The following FRY variants were observed in gnomAD, a reference collection of about 807,000 sequenced individuals.
The protein encoded by FRY is protein furry homolog.
Under a neutral mutation model 348.4 loss-of-function variants are expected in FRY, and 128 were observed. The observed-to-expected ratio is 0.37, with a 90% CI of 0.32 to 0.43. The LOEUF is 0.43. Ranked by LOEUF, FRY falls within the 20% of genes least tolerant of loss-of-function variation. The pLI, the probability that FRY is intolerant of heterozygous loss-of-function variation, is 1.00. For missense variants in FRY, 2,736 were observed against 3,695.2 expected (o/e 0.74, Z 6.73); for synonymous variants, 1,370 against 1,374.7 (o/e 1.00, Z 0.08).
intron 39 of FRY, among the ~76,000 whole-genome samples, chr13:32,226,432 C>T (rs1885586470): frequency 6.6e-6 from 1 of 152,166 alleles, no homozygotes; most frequent in African/African-American, 2.4e-5. Context: ...TCCTTGAAGA[C>T]ACCATTAGTG....
At chr13:32,128,575 G>A (rs1187878740) in intron 7 of FRY, among the ~76,000 whole-genome samples, 1 of 152,210 alleles carries the variant, frequency 6.6e-6, no homozygotes, top group Non-Finnish European at 1.5e-5. Flanking sequence ...CAGCTGCGGT[G>A]TAATGGAAAT....
Position 32,232,545 on chromosome 13 carries a change from G to A in FRY, c.5527+1245G>A, listed in dbSNP as rs567081444. Among the ~76,000 whole-genome samples, 5 of 152,308 alleles carry A rather than the reference G, an allele frequency of 3.3e-5. No individual in the cohort carries two copies. In the East Asian group the frequency reaches 5.8e-4, roughly 18 times the overall value. On this transcript the variant is annotated intron_variant, in intron 41 of 60. Coordinates refer to ENST00000542859, the MANE Select transcript of FRY (RefSeq NM_023037.3). ...GCAGGTGTTTGGCAGGTGGCCTTCC[G>A]CTAGGTGCTTCAGGACCCTCCAGCC...
At chr13:32,233,006 A>T (rs540545927) in intron 41 of FRY, among the ~76,000 whole-genome samples, 1 of 135,608 alleles carries the variant, frequency 7.4e-6, no homozygotes, top group Non-Finnish European at 1.5e-5. Context: ...TTCCACATAT[A>T]AAAAAAAATA....
chr13:32,076,086 T>C (rs1295710132), intron 1 of FRY, among the ~76,000 whole-genome samples: 3 of 152,258 alleles, frequency 2.0e-5, no homozygotes, highest in Non-Finnish European at 4.4e-5. Flanking sequence ...AGAGGTTTTC[T>C]GGTATCTGAA....
rs559682429 is a variant in FRY at position 32,187,254 on chromosome 13, T to C, written c.3481-292T>C. On this transcript the variant is annotated intron_variant, in intron 27 of 60. Transcript: ENST00000542859. ...GCTTATTTTAAATATTGCAAAATAG[T>C]TTTTTGGTTTTGAATACTTACTCTG... Among the ~76,000 whole-genome samples, 28 of 152,280 alleles carry C rather than the reference T, an allele frequency of 1.8e-4. 1 individual carries two copies. The highest frequency in any genetic ancestry group is 1.6e-3 in the Admixed American group (24 of 15,296).
chr13:32,265,506 T>G lies in FRY; in HGVS notation c.7836T>G (p.Ser2612Arg). The change falls in exon 54 of 61, where the codon AGT becomes AGG. Residue 2612 changes from serine to arginine, a missense_variant. Transcript: ENST00000542859. ...CCGTGCATGAGGATGATCTTTCTAG[T>G]TCCATCAATGAACTCCCAGCAGCTT... is the stretch of plus-strand genomic sequence containing the variant. ...DTTVHEDDLS[S>R]SINELPAAFE... 3 of 1,614,180 alleles carry G rather than the reference T, an allele frequency of 1.9e-6. No homozygotes were observed. The highest frequency in any genetic ancestry group is 2.5e-6 in the Non-Finnish European group (3 of 1,180,002).
rs74871781 is a variant in FRY, at chr13:32,047,357, T to G, written c.70+15492T>G. 3.6e-3 allele frequency among the ~76,000 whole-genome samples: 553 copies of G among 152,322 alleles called. 1 individual carries two copies. Among genetic ancestry groups the G allele is most frequent in the African/African-American group, 0.012 (513 of 41,570 alleles). ...TTGTGACATCTTCTTGACTTGAGGATCTGAACTTTACCACTCCCTAGAGAG... is the reference window on the plus strand; with the variant it reads ...TTGTGACATCTTCTTGACTTGAGGAGCTGAACTTTACCACTCCCTAGAGAG... On this transcript the variant is annotated intron_variant, in intron 1 of 60. Transcript: ENST00000542859.
chr13:32,267,245 C>T lies in FRY; in HGVS notation c.8022C>T (p.Pro2674=), dbSNP rs377587437. 2.5e-5 allele frequency: 41 copies of T among 1,614,054 alleles called. No individual in the cohort carries two copies. Among genetic ancestry groups the T allele is most frequent in the Admixed American group, 3.3e-5 (2 of 60,006 alleles). ...CAGCCATCCTTGCCGCCTTTCAGCC[C>T]GCAGCCTGTGACGATGCCGAGGAGG... ...FFSAILAAFQ[P]AACDDAEEAW... The change falls in exon 55 of 61, where the codon CCC becomes CCT. Residue 2674 remains proline (P), a synonymous_variant. Transcript: ENST00000542859.
At chr13:32,148,463 TA>T (rs1880591871) in intron 13 of FRY, among the ~76,000 whole-genome samples, 2 of 152,240 alleles carry the variant, frequency 1.3e-5, no homozygotes, top group Admixed American at 6.5e-5. Flanking sequence ...ATTAATGACT[TA>T]AAAACAGGTC....
At chr13:32,188,190 A>C (rs1309636995) in intron 28 of FRY, among the ~76,000 whole-genome samples, 1 of 152,112 alleles carries the variant, frequency 6.6e-6, no homozygotes, top group East Asian at 1.9e-4. Flanking sequence ...TAAAAATATA[A>C]ACTTTATTTC....
chr13:32,035,687 G>A (rs1438656578), intron 1 of FRY, among the ~76,000 whole-genome samples: 1 of 152,170 alleles, frequency 6.6e-6, no homozygotes, highest in African/African-American at 2.4e-5. Flanking sequence ...GCTCTTTCCA[G>A]GGCAGTGTGA....
chr13:32,086,034 G>A (rs910868110), intron 2 of FRY: 1 of 514,128 alleles, frequency 1.9e-6, no homozygotes. Context: ...GACCTAGGCG[G>A]TAAAACCAGA....
At chr13:32,196,111 T>C (rs934511918) in intron 29 of FRY, among the ~76,000 whole-genome samples, 2 of 152,218 alleles carry the variant, frequency 1.3e-5, no homozygotes, top group Non-Finnish European at 2.9e-5. Context: ...ATTTGTCTTC[T>C]GTAAGTTTGC....
At chr13:32,229,958 T>A (rs1885816936) in intron 40 of FRY, among the ~76,000 whole-genome samples, 1 of 152,242 alleles carries the variant, frequency 6.6e-6, no homozygotes, top group Non-Finnish European at 1.5e-5. Context: ...TTTAAAACAT[T>A]TTAAAATGAC....
At chr13:32,145,231 A>C (rs899854825) in intron 11 of FRY, among the ~76,000 whole-genome samples, 1 of 152,178 alleles carries the variant, frequency 6.6e-6, no homozygotes, top group Non-Finnish European at 1.5e-5. Context: ...CAGAGAAACT[A>C]CCGATTCTGT....
chr13:32,294,740 T>C (rs1284396032), intron 60 of FRY, among the ~76,000 whole-genome samples, 170 bp downstream of exon 60: 1 of 152,210 alleles, frequency 6.6e-6, no homozygotes, highest in Non-Finnish European at 1.5e-5. Flanking sequence ...CACTACATAT[T>C]GAAAGTGTTG....
At chr13:32,095,616 T>G (rs1420953477) in intron 2 of FRY, among the ~76,000 whole-genome samples, 3 of 152,150 alleles carry the variant, frequency 2.0e-5, no homozygotes, top group Non-Finnish European at 4.4e-5. Context: ...GTGCTGAGAT[T>G]ATAGGCGTGA....
chr13:32,242,031 A>G (rs890223942), intron 46 of FRY, among the ~76,000 whole-genome samples: 5 of 152,240 alleles, frequency 3.3e-5, no homozygotes, highest in African/African-American at 1.2e-4. Flanking sequence ...GGTAGCGCAC[A>G]GAGTGCTGTT....
At chr13:32,250,973 G>A (rs1191002766) in intron 49 of FRY, among the ~76,000 whole-genome samples, 1 of 152,194 alleles carries the variant, frequency 6.6e-6, no homozygotes, top group Non-Finnish European at 1.5e-5. Context: ...TCCTGTCTCT[G>A]ACCTTGAGCA....
Sources: gnomAD v4.1 joint callset for allele counts (sites outside exome capture counted in the v4.1 genomes callset) on GRCh38, gnomAD v4.1.1 for gene constraint, MANE v1.5 for transcripts, NCBI Gene and HGNC (gene_info 2026-07-23, HGNC 2026-07-21) for gene names.